Variants in RBFOX1 observed in about 807,000 individuals in gnomAD.
The protein encoded by RBFOX1 is RNA binding fox-1 homolog 1, also known as RNA binding protein fox-1 homolog 1.
In RBFOX1, 8 loss-of-function variants were observed where a neutral mutation model predicts 57.7. The ratio of observed to expected loss-of-function variants is 0.14; its 90% CI spans 0.08 to 0.25. The LOEUF is 0.25. Among genes scored for constraint, RBFOX1 ranks in the 10% least tolerant of loss-of-function variants. RBFOX1 has a pLI of 1.00. For missense variants in RBFOX1, 611 were observed against 548.5 expected (o/e 1.11, Z -1.14); for synonymous variants, 326 against 222.4 (o/e 1.47, Z -4.15).
At chr16:7,505,509 G>A (rs1294889251) in intron 4 of RBFOX1, among the ~76,000 whole-genome samples, 1 of 152,230 alleles carries the variant, frequency 6.6e-6, no homozygotes, top group South Asian at 2.1e-4. Flanking sequence ...TATCACCTCA[G>A]AAGTGGCCAT....
In RBFOX1 at chr16:7,665,004, C is replaced by G; in HGVS notation, c.930+36C>G. 5 of 1,613,864 alleles carry G rather than the reference C, an allele frequency of 3.1e-6. No homozygotes were observed. The South Asian group carries it at 5.5e-5, about 18-fold the overall frequency. ...ATTCACGTGCATGCCATCCCCGTTT[C>G]CTCCTGGAGTCATTCTTTTTACAAG... On this transcript the variant is annotated intron_variant, in intron 13 of 15. Transcript: ENST00000550418.
intron 4 of RBFOX1, among the ~76,000 whole-genome samples, chr16:5,901,537 G>A (rs551008201): frequency 3.8e-4 from 58 of 152,164 alleles, no homozygotes; most frequent in Admixed American, 9.8e-4. Flanking sequence ...GCATGTGGCC[G>A]TTACACCTAA....
chr16:7,506,234 T>C (rs2073249486), intron 4 of RBFOX1, among the ~76,000 whole-genome samples: 1 of 134,154 alleles, frequency 7.5e-6, no homozygotes, highest in Admixed American at 7.6e-5. Context: ...TAAGCTGGCA[T>C]AGTTACCAGA....
chr16:7,427,856 G>A (rs1598198967), intron 4 of RBFOX1, among the ~76,000 whole-genome samples: 1 of 152,148 alleles, frequency 6.6e-6, no homozygotes, highest in East Asian at 1.9e-4. Context: ...GTTTGAACAT[G>A]TTTCCCAGCT....
At chr16:7,544,971 T>C (rs2084018846) in intron 5 of RBFOX1, among the ~76,000 whole-genome samples, 1 of 152,178 alleles carries the variant, frequency 6.6e-6, no homozygotes, top group Admixed American at 6.5e-5. Flanking sequence ...GTGAACGGAA[T>C]GTATGAATGA....
intron 1 of RBFOX1, among the ~76,000 whole-genome samples, chr16:6,237,247 G>T (rs2097511985): frequency 6.6e-6 from 1 of 152,160 alleles, no homozygotes; most frequent in African/African-American, 2.4e-5. Context: ...GAAGGCTGTT[G>T]TTCTGGAATG....
chr16:5,744,905 G>T (rs551811875), intron 3 of RBFOX1, among the ~76,000 whole-genome samples: 1 of 152,052 alleles, frequency 6.6e-6, no homozygotes, highest in Non-Finnish European at 1.5e-5. Flanking sequence ...CCAAAGTAGC[G>T]GGGATTACAG....
At chr16:5,843,086 C>T (rs1280013866) in intron 3 of RBFOX1, among the ~76,000 whole-genome samples, 1 of 152,178 alleles carries the variant, frequency 6.6e-6, no homozygotes, top group Admixed American at 6.5e-5. Flanking sequence ...CTTGGCCTCC[C>T]AAAGTGCTGG....
rs545081098 is a variant in RBFOX1 at position 5,396,848 on chromosome 16, G to T, written c.220-70368G>T. 2.6e-5 allele frequency among the ~76,000 whole-genome samples: 4 copies of T among 152,206 alleles called. No individual in the cohort carries two copies. In the South Asian group the frequency reaches 6.2e-4, roughly 24 times the overall value. On this transcript the variant is annotated intron_variant, in intron 1 of 2. Coordinates refer to the RBFOX1 transcript ENST00000585867. ...GTAGATTGATTTCTTGAACTTCGTT[G>T]TCTCAAAGTGGTAAATTGTTACCGT...
At chr16:6,817,908 G>T (rs750738392) in intron 3 of RBFOX1, among the ~76,000 whole-genome samples, 2 of 152,022 alleles carry the variant, frequency 1.3e-5, no homozygotes, top group African/African-American at 2.4e-5. Flanking sequence ...CCTGTTCCTG[G>T]GCCATTGCCC....
chr16:6,525,650 C>T (rs751864233), intron 2 of RBFOX1, among the ~76,000 whole-genome samples: 1 of 151,910 alleles, frequency 6.6e-6, no homozygotes, highest in Non-Finnish European at 1.5e-5. Context: ...TGGAGAGAAC[C>T]CCGTCTCTAC....
At chr16:5,816,622 A>C (rs562717822) in intron 3 of RBFOX1, among the ~76,000 whole-genome samples, 6 of 152,244 alleles carry the variant, frequency 3.9e-5, no homozygotes, top group African/African-American at 1.4e-4. Flanking sequence ...CGTTTCTATA[A>C]AAAAATACAA....
At chr16:7,131,992 T>C (rs935517584) in intron 4 of RBFOX1, among the ~76,000 whole-genome samples, 8 of 112,034 alleles carry the variant, frequency 7.1e-5, no homozygotes, top group African/African-American at 2.3e-4. Context: ...AGTCCTTTTT[T>C]TCTTTCTTTT....
At chr16:6,780,323 TTA>T (rs1302510265) in intron 3 of RBFOX1, among the ~76,000 whole-genome samples, 2 of 77,958 alleles carry the variant, frequency 2.6e-5, no homozygotes, top group Non-Finnish European at 4.1e-5. Flanking sequence ...TTATTCATAT[TTA>T]TATATATTTA....
chr16:6,395,357 T>C (rs2092782183), intron 2 of RBFOX1, among the ~76,000 whole-genome samples: 1 of 152,216 alleles, frequency 6.6e-6, no homozygotes. Context: ...CATGTTATAC[T>C]TCTTCTTAGT....
At chr16:6,653,463 C>G (rs900553671) in intron 2 of RBFOX1, among the ~76,000 whole-genome samples, 8 of 152,100 alleles carry the variant, frequency 5.3e-5, no homozygotes, top group African/African-American at 1.9e-4. Flanking sequence ...GCCACTATTG[C>G]TTGTGGGACT....
At position 7,199,244 on chromosome 16, in the gene RBFOX1, C is replaced by T. The variant is rs148183939; in HGVS notation, c.27+147146C>T. ...TAAGGAGCTAAGAGCTTAAACCAGA[C>T]AAGATTTCCTTCAGTGTGATAATAA... On this transcript the variant is annotated intron_variant, in intron 4 of 15. Coordinates refer to ENST00000550418, the MANE Select transcript of RBFOX1 (RefSeq NM_018723.4). 1.1e-3 allele frequency among the ~76,000 whole-genome samples: 170 copies of T among 152,254 alleles called. 1 individual carries two copies. Among genetic ancestry groups the T allele is most frequent in the African/African-American group, 3.9e-3 (163 of 41,546 alleles).
At chr16:5,824,997 A>C (rs1223210531) in intron 3 of RBFOX1, among the ~76,000 whole-genome samples, 1 of 152,178 alleles carries the variant, frequency 6.6e-6, no homozygotes, top group Non-Finnish European at 1.5e-5. Flanking sequence ...GAAAATTAAG[A>C]GGTCCCCATT....
chr16:6,667,647 C>A (rs1160349290), intron 3 of RBFOX1, among the ~76,000 whole-genome samples: 1 of 152,046 alleles, frequency 6.6e-6, no homozygotes, highest in Non-Finnish European at 1.5e-5. Context: ...TTTTTGGACA[C>A]AAGTGGGAGG....
Sources: gnomAD v4.1 joint callset for allele counts (sites outside exome capture counted in the v4.1 genomes callset) on GRCh38, gnomAD v4.1.1 for gene constraint, MANE v1.5 for transcripts, NCBI Gene and HGNC (gene_info 2026-07-23, HGNC 2026-07-21) for gene names.